ZBTB1: variants seen among roughly 807,000 people sequenced by gnomAD.
ZBTB1 encodes zinc finger and BTB domain-containing protein 1.
A neutral mutation model predicts 51.6 loss-of-function variants in ZBTB1; 13 were observed. The ratio of observed to expected loss-of-function variants is 0.25; its 90% CI spans 0.16 to 0.40. The LOEUF (loss-of-function observed/expected upper bound fraction) is 0.40, where lower values mean the gene tolerates loss of function less well. ZBTB1 is among the 10% of genes least tolerant of loss of function. The pLI is 1.00. For synonymous variants in ZBTB1, 240 were observed against 282.2 expected (o/e 0.85, Z 1.50); for missense variants, 567 against 856.5 (o/e 0.66, Z 4.22).
intron 1 of ZBTB1, among the ~76,000 whole-genome samples, chr14:64,515,177 T>C (rs1355347676): frequency 6.6e-6 from 1 of 152,214 alleles, no homozygotes; most frequent in South Asian, 2.1e-4. Flanking sequence ...CTTGGCATTA[T>C]ATAGCTTGTT....
At chr14:64,517,648 G>A (rs1478505152) in intron 1 of ZBTB1, among the ~76,000 whole-genome samples, 1 of 150,296 alleles carries the variant, frequency 6.7e-6, no homozygotes, top group Admixed American at 6.7e-5. Context: ...GAATAAGGTT[G>A]TGGCGTGGAT....
chr14:64,529,467 G>A (rs753670623), downstream of ZBTB1, among the ~76,000 whole-genome samples: 2 of 152,152 alleles, frequency 1.3e-5, no homozygotes, highest in Non-Finnish European at 2.9e-5. Flanking sequence ...AACAGATTAT[G>A]TGGATAAGAA....
At chr14:64,513,763 C>T (rs1009078042) in intron 1 of ZBTB1, among the ~76,000 whole-genome samples, 2 of 152,122 alleles carry the variant, frequency 1.3e-5, no homozygotes, top group Admixed American at 6.6e-5. Context: ...CAGGTTCAAG[C>T]GATTCTCCTG....
Position 64,524,740 on chromosome 14 carries a change from C to T in ZBTB1, c.*1094C>T, listed in dbSNP as rs950449067. 19 of 982,664 alleles carry T rather than the reference C, an allele frequency of 1.9e-5. No homozygotes were observed. The highest frequency in any genetic ancestry group is 1.1e-4 in the East Asian group (1 of 8,812). The allele number at this position is 982,664 out of a possible 1,614,324, so 60.9% of individuals were successfully genotyped here. On this transcript the variant is annotated 3_prime_UTR_variant, in exon 2 of 2. Transcript: ENST00000683701. ...GGAAATGTGGCAAATTGCAGTTTATCGCCATATTTTATTATCATTTTTTTC... is the reference window on the plus strand; with the variant it reads ...GGAAATGTGGCAAATTGCAGTTTATTGCCATATTTTATTATCATTTTTTTC...
In ZBTB1 at chr14:64,524,418, GAC is replaced by G. The variant is rs1212770467; in HGVS notation, c.*774_*775del. ...TTTAACTATGATAGTTAATTAAAAA[GAC>G]ATATCTTGTATTCATTAAAAATATT... On this transcript the variant is annotated 3_prime_UTR_variant, in exon 2 of 2. Coordinates refer to ENST00000683701, the MANE Select transcript of ZBTB1 (RefSeq NM_001123329.2). 13 of 779,698 alleles carry G rather than the reference GAC, an allele frequency of 1.7e-5. No individual in the cohort carries two copies. Among genetic ancestry groups the G allele is most frequent in the Non-Finnish European group, 2.0e-5 (13 of 642,906 alleles). 48.3% of individuals were successfully genotyped at this position (779,698 alleles called of 1,614,324 possible).
At chr14:64,527,416 C>T (rs915601244), downstream of ZBTB1, among the ~76,000 whole-genome samples, 15 of 152,256 alleles carry the variant, frequency 9.9e-5, no homozygotes, top group African/African-American at 3.6e-4. Context: ...CAAGACCAGC[C>T]TGGCCAACAT....
intron 1 of ZBTB1, 107 bp downstream of exon 1, chr14:64,505,053 G>C (rs2079622348): frequency 2.7e-6 from 1 of 373,714 alleles, no homozygotes. Context: ...GCCGATCCGT[G>C]CGGGGAGCCG....
At chr14:64,507,564 T>C (rs2079679008) in intron 1 of ZBTB1, among the ~76,000 whole-genome samples, 1 of 152,202 alleles carries the variant, frequency 6.6e-6, no homozygotes, top group Admixed American at 6.5e-5. Context: ...TGCCTGGGGA[T>C]GGCCTGTGGT....
chr14:64,529,027 G>T (rs2079924547), downstream of ZBTB1, among the ~76,000 whole-genome samples: 1 of 152,200 alleles, frequency 6.6e-6, no homozygotes, highest in Admixed American at 6.5e-5. Flanking sequence ...GTGCTGGTAA[G>T]GTGGCTAGTA....
downstream of ZBTB1, among the ~76,000 whole-genome samples, chr14:64,527,554 T>C (rs563500995): frequency 2.4e-4 from 36 of 151,870 alleles, no homozygotes; most frequent in Admixed American, 5.9e-4. Context: ...GAGGTTGCAG[T>C]GAGCCAAGAT....
chr14:64,517,184 T>C (rs764137637), intron 1 of ZBTB1, among the ~76,000 whole-genome samples: 1 of 152,222 alleles, frequency 6.6e-6, no homozygotes, highest in Non-Finnish European at 1.5e-5. Flanking sequence ...CCAAGCACGA[T>C]GCATTTTACA....
intron 1 of ZBTB1, chr14:64,514,347 G>C (rs995132531): frequency 6.6e-6 from 1 of 152,184 alleles, no homozygotes; most frequent in African/African-American, 2.4e-5. Context: ...GAGGCTAAGC[G>C]AATCATCTTC....
At chr14:64,511,720 T>C (rs2079726430) in intron 1 of ZBTB1, among the ~76,000 whole-genome samples, 1 of 152,194 alleles carries the variant, frequency 6.6e-6, no homozygotes, top group Non-Finnish European at 1.5e-5. Flanking sequence ...AGTTGTTGGC[T>C]TGCAAGTAAA....
chr14:64,505,766 G>A (rs1244364198), intron 1 of ZBTB1, among the ~76,000 whole-genome samples: 2 of 152,206 alleles, frequency 1.3e-5, no homozygotes, highest in African/African-American at 4.8e-5. Flanking sequence ...ACGTTTTCTG[G>A]GGATAGGACA....
exon 3 of ZBTB1, chr14:64,532,043 C>T (rs1240774429): frequency 2.5e-5 from 23 of 906,394 alleles, no homozygotes; most frequent in Admixed American, 9.2e-5. Flanking sequence ...GTTCCAGTTG[C>T]AAAGATCCAA....
At chr14:64,529,139 A>G (rs548704981), downstream of ZBTB1, among the ~76,000 whole-genome samples, 3 of 152,370 alleles carry the variant, frequency 2.0e-5, no homozygotes, top group East Asian at 5.8e-4. Flanking sequence ...AGAAATAAAT[A>G]TTAAATGCTG....
chr14:64,521,904 C>G lies in ZBTB1; in HGVS notation c.400C>G (p.Gln134Glu). 6.2e-7 allele frequency: 1 copy of G among 1,614,048 alleles called. No individual in the cohort carries two copies. Among genetic ancestry groups the G allele is most frequent in the Non-Finnish European group, 8.5e-7 (1 of 1,180,040 alleles). ...SKCSSSASSK[Q>E]NSKMIFGVRM... ...ATGTTCCTCTTCTGCTTCCAGCAAACAGAACAGCAAAATGATATTTGGGGT... is the reference window on the plus strand; with the variant it reads ...ATGTTCCTCTTCTGCTTCCAGCAAAGAGAACAGCAAAATGATATTTGGGGT... The change falls in exon 2 of 2, where the codon CAG becomes GAG. Residue 134 changes from glutamine to glutamate, a missense_variant. Physicochemically the swap from Gln to Glu is conservative, Grantham distance 29 (BLOSUM62 2). Around this residue, in one of 5 missense-constraint regions of ZBTB1, gnomAD observed 74 missense variants for 74.9 expected, o/e 0.99. Coordinates refer to ENST00000683701, the MANE Select transcript of ZBTB1 (RefSeq NM_001123329.2).
In ZBTB1 at chr14:64,524,744, ATATTT is replaced by A. The variant is rs2079890669; in HGVS notation, c.*1103_*1107del. ...ATGTGGCAAATTGCAGTTTATCGCC[ATATTT>A]TATTATCATTTTTTTCTGTAAAAGA... On this transcript the variant is annotated 3_prime_UTR_variant, in exon 2 of 2. Coordinates refer to ENST00000683701, the MANE Select transcript of ZBTB1 (RefSeq NM_001123329.2). 8.1e-6 allele frequency: 8 copies of A among 982,830 alleles called. No individual in the cohort carries two copies. The highest frequency in any genetic ancestry group is 9.7e-6 in the Non-Finnish European group (8 of 827,556). The allele number at this position is 982,830 out of a possible 1,614,324, so 60.9% of individuals were successfully genotyped here.
chr14:64,524,081 T>G lies in ZBTB1; in HGVS notation c.*435T>G. Reference sequence around the variant, plus strand: ...AATTCCTTAAGTAATTATTTGAAACTATCCCGTTTGCTTTTAGTGAGTTAA... The same window carrying G: ...AATTCCTTAAGTAATTATTTGAAACGATCCCGTTTGCTTTTAGTGAGTTAA... On this transcript the variant is annotated 3_prime_UTR_variant, in exon 2 of 2. Transcript: ENST00000683701. 6 of 984,666 alleles carry G rather than the reference T, an allele frequency of 6.1e-6. No homozygotes were observed. Among genetic ancestry groups the G allele is most frequent in the Non-Finnish European group, 7.2e-6 (6 of 829,318 alleles). 61.0% of individuals were successfully genotyped at this position (984,666 alleles called of 1,614,324 possible).
Sources: gnomAD v4.1 joint callset for allele counts (sites outside exome capture counted in the v4.1 genomes callset) on GRCh38, gnomAD v4.1.1 for gene constraint, gnomAD v4.1.1 regional missense constraint, MANE v1.5 for transcripts, NCBI Gene and HGNC (gene_info 2026-07-23, HGNC 2026-07-21) for gene names.